SH2D6: variants seen among roughly 807,000 people sequenced by gnomAD.
SH2D6 encodes the protein SH2 domain containing 6.
A neutral mutation model predicts 30.2 loss-of-function variants in SH2D6; 31 were observed. The ratio of observed to expected loss-of-function variants is 1.03; its 90% CI spans 0.77 to 1.38. The LOEUF is 1.38. Among genes scored for constraint, SH2D6 ranks in the 40% most tolerant of loss-of-function variants. The pLI, the probability that SH2D6 is intolerant of heterozygous loss-of-function variation, is 0.00. For missense variants in SH2D6, 240 were observed against 266.8 expected (o/e 0.90, Z 0.70); for synonymous variants, 93 against 104.6 (o/e 0.89, Z 0.68).
chr2:85,432,728 A>G (rs142030924), intron 14 of SH2D6, among the ~76,000 whole-genome samples: 9,256 of 151,334 alleles, frequency 0.061, 393 homozygotes, highest in Non-Finnish European at 0.084. Context: ...TAGAGACAAG[A>G]TTTCACCATG....
chr2:85,428,860 T>C (rs1187074665), intron 7 of SH2D6, among the ~76,000 whole-genome samples, 163 bp downstream of exon 7: 2 of 152,208 alleles, frequency 1.3e-5, no homozygotes, highest in Non-Finnish European at 2.9e-5. Context: ...GAAACACACG[T>C]AATGCCTTCC....
intron 20 of SH2D6, 120 bp downstream of exon 20, chr2:85,435,243 GT>G: frequency 7.8e-7 from 1 of 1,274,192 alleles, no homozygotes; most frequent in Admixed American, 2.1e-5. Context: ...TTGAACACAC[GT>G]GTGCGGCACC....
intron 2 of SH2D6, among the ~76,000 whole-genome samples, chr2:85,420,209 G>A (rs569518985): frequency 6.6e-6 from 1 of 152,228 alleles, no homozygotes; most frequent in Admixed American, 6.5e-5. Flanking sequence ...GGCTTAAGCG[G>A]TTCTCCTGCC....
intron 5 of SH2D6, among the ~76,000 whole-genome samples, chr2:85,423,723 T>G (rs1448295870): frequency 2.0e-5 from 3 of 152,252 alleles, no homozygotes; most frequent in Non-Finnish European, 2.9e-5. Context: ...CCGAGTCAGC[T>G]GAGTCAGCAG....
At chr2:85,436,294 T>C (rs566289164) in intron 22 of SH2D6, among the ~76,000 whole-genome samples, 172 bp from the exon 23 acceptor site, 2 of 152,256 alleles carry the variant, frequency 1.3e-5, no homozygotes, top group East Asian at 3.9e-4. Flanking sequence ...GAAAGTTGCC[T>C]GAGGCCTGGA....
At chr2:85,424,099 A>G (rs1687864786) in intron 5 of SH2D6, among the ~76,000 whole-genome samples, 1 of 152,146 alleles carries the variant, frequency 6.6e-6, no homozygotes. Context: ...TTCCTCAGGG[A>G]CAGACCTCTC....
intron 23 of SH2D6, 56 bp downstream of exon 23, chr2:85,436,650 C>T (rs1689498301): frequency 1.9e-5 from 24 of 1,284,158 alleles, no homozygotes; most frequent in Non-Finnish European, 2.7e-5. Flanking sequence ...CTTGGGCTGT[C>T]TTCCTCTCTC....
intron 5 of SH2D6, 49 bp from the exon 6 acceptor site, chr2:85,425,259 T>A (rs1176200929): frequency 9.4e-5 from 3 of 31,902 alleles, no homozygotes; most frequent in Non-Finnish European, 2.2e-4. Context: ...CTTTCTTTCT[T>A]TTTTTTTTTT....
chr2:85,434,891 C>A, intron 19 of SH2D6, 174 bp from the exon 20 acceptor site: 1 of 1,573,434 alleles, frequency 6.4e-7, no homozygotes, highest in Non-Finnish European at 8.6e-7. Flanking sequence ...GCTGGTGGGT[C>A]CTGCCAGGGC....
intron 22 of SH2D6, among the ~76,000 whole-genome samples, 159 bp from the exon 23 acceptor site, chr2:85,436,307 G>A (rs930226819): frequency 5.9e-5 from 9 of 152,182 alleles, no homozygotes; most frequent in African/African-American, 9.7e-5. Context: ...GGCCTGGAAC[G>A]GGGCAGCAAA....
At chr2:85,436,444 G>C (rs769559449) in intron 22 of SH2D6, 22 bp from the exon 23 acceptor site, 2 of 1,599,638 alleles carry the variant, frequency 1.3e-6, no homozygotes, top group Non-Finnish European at 1.7e-6. Context: ...GGGACTCACG[G>C]ATGCCCTGCC....
chr2:85,420,020 A>C (rs1034790019), intron 2 of SH2D6, among the ~76,000 whole-genome samples: 1 of 152,124 alleles, frequency 6.6e-6, no homozygotes, highest in Non-Finnish European at 1.5e-5. Flanking sequence ...TAGAGAGGAG[A>C]GATAGGTACC....
chr2:85,429,300 GC>G (rs1299286759), intron 7 of SH2D6, 71 bp from the exon 8 acceptor site: 1 of 152,370 alleles, frequency 6.6e-6, no homozygotes, highest in African/African-American at 2.4e-5. Context: ...CTGGGGCTGG[GC>G]CCTGAGAGTG....
chr2:85,436,429 C>G (rs534817054), intron 22 of SH2D6, 37 bp from the exon 23 acceptor site: 1 of 1,522,362 alleles, frequency 6.6e-7, no homozygotes, highest in South Asian at 1.1e-5. Context: ...CAGCATGAGG[C>G]TCATGGGACT....
rs768342613 is a variant in SH2D6 at position 85,435,482 on chromosome 2, C to T, written c.718C>T (p.Leu240Phe). Residue 240 changes from leucine to phenylalanine, a missense_variant, in exon 21 of 24, where the codon CTC (leucine) becomes TTC (phenylalanine). Leu to Phe is a conservative substitution (Grantham distance 22). Coordinates refer to ENST00000469800, the MANE Select transcript of SH2D6 (RefSeq NM_001394463.1). ...CCGCTATGCTGTTGAGAGTGCCCTG[C>T]TCCACTTACAAAAGGTGGGCAGCCA... is the stretch of plus-strand genomic sequence containing the variant. Reference protein sequence around the residue: ...CDRYAVESALLHLQKDGAYTV... With the variant: ...CDRYAVESALFHLQKDGAYTV... 6.2e-7 allele frequency: 1 copy of T among 1,613,710 alleles called. No homozygotes were observed. The highest frequency in any genetic ancestry group is 8.5e-7 in the Non-Finnish European group (1 of 1,179,960).
chr2:85,436,795 C>T (rs1208392879), intron 23 of SH2D6, 42 bp from the exon 24 acceptor site: 2 of 537,636 alleles, frequency 3.7e-6, no homozygotes, highest in Non-Finnish European at 6.7e-6. Context: ...ACTGCCCTCT[C>T]TGTTGCCTCT....
At position 85,422,618 on chromosome 2, in the gene SH2D6, G is replaced by A. The variant is rs1239431405; in HGVS notation, c.-381G>A. ...AAGGAGCCATGAGGAGTCACTCAAGGGTTTTAGGCAGAGCCGTGACACAAC... is the reference window on the plus strand; with the variant it reads ...AAGGAGCCATGAGGAGTCACTCAAGAGTTTTAGGCAGAGCCGTGACACAAC... On this transcript the variant is annotated 5_prime_UTR_variant, in exon 5 of 24. Transcript: ENST00000469800. The A allele has an allele frequency of 6.6e-6, 1 of 152,338 alleles. No homozygotes were observed. The highest frequency in any genetic ancestry group is 2.4e-5 in the African/African-American group (1 of 41,428). 9.4% of individuals were successfully genotyped at this position (152,338 alleles called of 1,614,324 possible).
At chr2:85,421,416 A>C (rs1434731455) in intron 2 of SH2D6, 2 of 152,276 alleles carry the variant, frequency 1.3e-5, no homozygotes, top group Admixed American at 1.3e-4. Flanking sequence ...TGGACAGGAA[A>C]TGGGCAAGAC....
chr2:85,435,568 G>A (rs1457872435), intron 21 of SH2D6, 72 bp downstream of exon 21: 3 of 1,590,132 alleles, frequency 1.9e-6, no homozygotes, highest in African/African-American at 2.7e-5. Flanking sequence ...CCGAGCAGTG[G>A]GGAGCAGGAG....
Sources: gnomAD v4.1 joint callset for allele counts (sites outside exome capture counted in the v4.1 genomes callset) on GRCh38, gnomAD v4.1.1 for gene constraint, MANE v1.5 for transcripts, NCBI Gene and HGNC (gene_info 2026-07-23, HGNC 2026-07-21) for gene names.